ZC3H7A: variants seen among roughly 807,000 people sequenced by gnomAD.
The protein encoded by ZC3H7A is zinc finger CCCH domain-containing protein 7A.
Under a neutral mutation model 125.5 loss-of-function variants are expected in ZC3H7A, and 44 were observed. That is an observed-to-expected ratio of 0.35 (90% CI 0.28 to 0.45). The LOEUF (loss-of-function observed/expected upper bound fraction) is 0.45, where lower values mean the gene tolerates loss of function less well. ZC3H7A is among the 20% of genes least tolerant of loss of function. The pLI is 1.00. For missense variants in ZC3H7A, 977 were observed against 1,170.7 expected (o/e 0.83, Z 2.41); for synonymous variants, 399 against 391.2 (o/e 1.02, Z -0.23).
chr16:11,764,977 A>T, intron 15 of ZC3H7A, 76 bp downstream of exon 15: 1 of 994,518 alleles, frequency 1.0e-6, no homozygotes, highest in Non-Finnish European at 1.5e-6. Flanking sequence ...CTGGACAGAC[A>T]TTACTACTAG....
At chr16:11,792,949 G>C (rs984591315) in intron 1 of ZC3H7A, among the ~76,000 whole-genome samples, 1 of 152,158 alleles carries the variant, frequency 6.6e-6, no homozygotes, top group Non-Finnish European at 1.5e-5. Context: ...GTGTGCACTT[G>C]TGTACACAAA....
Position 11,774,508 on chromosome 16 carries a change from G to C in ZC3H7A, c.631C>G (p.Pro211Ala). ...ACAACAGGAACTGCTTCTTGCCTTG[G>C]AGTTAATAAATCTGTAACACAGATG... Reference protein sequence around the residue: ...VEDIEPDLLTPRQEAVPVVSL... With the variant: ...VEDIEPDLLTARQEAVPVVSL... Residue 211 changes from proline to alanine, a missense_variant, in exon 9 of 23, where the codon CCA (proline) becomes GCA (alanine). Coordinates refer to ENST00000355758, the MANE Select transcript of ZC3H7A (RefSeq NM_014153.4). The C allele has an allele frequency of 6.5e-7, 1 of 1,538,422 alleles. No homozygotes were observed. The highest frequency in any genetic ancestry group is 8.8e-7 in the Non-Finnish European group (1 of 1,141,774).
At chr16:11,786,866 T>A (rs2053264360) in intron 1 of ZC3H7A, among the ~76,000 whole-genome samples, 1 of 152,218 alleles carries the variant, frequency 6.6e-6, no homozygotes, top group South Asian at 2.1e-4. Flanking sequence ...CATCCTTCTG[T>A]TCATTCATCA....
At chr16:11,767,809 C>T (rs2052887659) in intron 12 of ZC3H7A, among the ~76,000 whole-genome samples, 1 of 152,064 alleles carries the variant, frequency 6.6e-6, no homozygotes, top group Non-Finnish European at 1.5e-5. Flanking sequence ...AAAAAAAATA[C>T]CCTTACTTAA....
At chr16:11,761,718 GA>G (rs1350274501) in intron 18 of ZC3H7A, 191 bp downstream of exon 18, 4 of 883,100 alleles carry the variant, frequency 4.5e-6, no homozygotes, top group African/African-American at 1.7e-5. Flanking sequence ...TAAAATACAG[GA>G]AAAAAACACT....
chr16:11,782,148 A>G lies in ZC3H7A; in HGVS notation c.68+139T>C, dbSNP rs1033592552. 1.4e-5 allele frequency: 13 copies of G among 903,550 alleles called. No homozygotes were observed. In the African/African-American group the frequency reaches 2.0e-4, roughly 14 times the overall value. 56.0% of individuals were successfully genotyped at this position (903,550 alleles called of 1,614,324 possible). A position where few individuals can be genotyped will look rare whatever the true frequency, so the allele number is the denominator to read the frequency against. The stretch of plus-strand genomic sequence containing the variant: ...GTTCAAATGGACAAAAGAAAAAAAT[A>G]TTGCTAGAATATGGAGTTTCTAACC... On this transcript the variant is annotated intron_variant, in intron 2 of 22. Transcript: ENST00000355758.
intron 20 of ZC3H7A, among the ~76,000 whole-genome samples, chr16:11,757,524 T>C (rs952673301): frequency 5.3e-5 from 8 of 150,640 alleles, no homozygotes; most frequent in African/African-American, 2.0e-4. Flanking sequence ...TTGTTCCCAG[T>C]TGAGAACCAC....
Position 11,774,316 on chromosome 16 carries a change from G to C in ZC3H7A, c.823C>G (p.Leu275Val), listed in dbSNP as rs756873353. 1.2e-5 allele frequency: 20 copies of C among 1,613,844 alleles called. No individual in the cohort carries two copies. In the South Asian group the frequency reaches 2.1e-4, roughly 17 times the overall value. The stretch of plus-strand genomic sequence containing the variant: ...CCAAGGACCATATCTCCATCATCTA[G>C]AAAAGCTTCTGGCATAGTGAAGGGC... ...KMPFTMPEAF[L>V]DDGDMVLGDE... The change falls in exon 9 of 23, where the codon CTA becomes GTA. Residue 275 changes from leucine to valine, a missense_variant. Physicochemically the swap from Leu to Val is conservative, Grantham distance 32 (BLOSUM62 1). This residue lies in a region of ZC3H7A where 342 missense variants were observed against 311.3 expected (regional missense o/e 1.10). Coordinates refer to ENST00000355758, the MANE Select transcript of ZC3H7A (RefSeq NM_014153.4).
At chr16:11,773,271 C>T (rs949325067) in intron 9 of ZC3H7A, among the ~76,000 whole-genome samples, 1 of 151,884 alleles carries the variant, frequency 6.6e-6, no homozygotes, top group African/African-American at 2.4e-5. Context: ...CCTCAACCTC[C>T]TGGGCGCAAG....
chr16:11,759,341 G>C (rs2052703404), intron 19 of ZC3H7A: 2 of 152,140 alleles, frequency 1.3e-5, no homozygotes, highest in South Asian at 2.1e-4. Flanking sequence ...ACGGCAGCTG[G>C]CCCTACATTA....
intron 1 of ZC3H7A, 165 bp from the exon 2 acceptor site, chr16:11,782,553 G>T: frequency 2.0e-6 from 1 of 496,990 alleles, no homozygotes. Context: ...AGTCATCTTT[G>T]TGGCTCCCCT....
intron 2 of ZC3H7A, 146 bp from the exon 3 acceptor site, chr16:11,781,610 A>G: frequency 1.7e-6 from 1 of 593,016 alleles, no homozygotes; most frequent in Non-Finnish European, 3.0e-6. Flanking sequence ...TACTACCATT[A>G]TTCACAGATG....
chr16:11,767,471 T>A lies in ZC3H7A; in HGVS notation c.1468A>T (p.Ile490Leu). 1 of 1,605,964 alleles carries A rather than the reference T, an allele frequency of 6.2e-7. No homozygotes were observed. The highest frequency in any genetic ancestry group is 1.1e-5 in the South Asian group (1 of 90,454). ...TTTGTTTTTGTTGGTCTTGGACGTA[T>A]TTTTTTCCATGATTTATCTTCAACA... ...KNVEDKSWKK[I>L]RPRPTKTNYE... The change falls in exon 13 of 23, where the codon ATA (isoleucine) becomes TTA (leucine). Residue 490 changes from isoleucine to leucine, a missense_variant. Physicochemically the swap from Ile to Leu is conservative, Grantham distance 5. This residue lies in a region of ZC3H7A where 436 missense variants were observed against 603.2 expected (regional missense o/e 0.72). Transcript: ENST00000355758.
intron 2 of ZC3H7A, 59 bp from the exon 3 acceptor site, chr16:11,781,523 C>T (rs1014471961): frequency 1.3e-6 from 2 of 1,568,408 alleles, no homozygotes; most frequent in African/African-American, 1.3e-5. Context: ...ACCTGTTCAG[C>T]CAGAAGTCAT....
intron 1 of ZC3H7A, among the ~76,000 whole-genome samples, chr16:11,787,933 C>G (rs1231953234): frequency 6.7e-6 from 1 of 149,844 alleles, no homozygotes; most frequent in Non-Finnish European, 1.5e-5. Context: ...GGGACAAGAG[C>G]AAGACTTCGT....
intron 13 of ZC3H7A, among the ~76,000 whole-genome samples, chr16:11,766,099 A>G (rs2052853030): frequency 8.8e-6 from 1 of 113,972 alleles, no homozygotes; most frequent in African/African-American, 3.1e-5. Flanking sequence ...ACCTCAGCTG[A>G]AAAAAAAAAA....
chr16:11,765,424 C>T lies in ZC3H7A; in HGVS notation c.1719+65G>A. The T allele has an allele frequency of 8.2e-7, 1 of 1,218,958 alleles. No homozygotes were observed. Among genetic ancestry groups the T allele is most frequent in the Non-Finnish European group, 1.1e-6 (1 of 871,238 alleles). 75.5% of individuals were successfully genotyped at this position (1,218,958 alleles called of 1,614,324 possible). On this transcript the variant is annotated intron_variant, in intron 14 of 22. Coordinates refer to ENST00000355758, the MANE Select transcript of ZC3H7A (RefSeq NM_014153.4). This position sits in a 1 kb window ranked among gnomAD's most constrained non-coding sequence, Gnocchi z 4.8. ...ACCAAGTGAATGTTTTATCACATGG[C>T]AGGACAATACCACTGGGCTTGCAAA...
chr16:11,777,791 G>A (rs146181161), intron 4 of ZC3H7A, among the ~76,000 whole-genome samples: 12 of 151,842 alleles, frequency 7.9e-5, no homozygotes, highest in East Asian at 1.9e-4. Flanking sequence ...AGGCTGAGGC[G>A]GGCAGATCAC....
chr16:11,774,061 T>G (rs2053036521), intron 9 of ZC3H7A, among the ~76,000 whole-genome samples, 175 bp downstream of exon 9: 1 of 152,030 alleles, frequency 6.6e-6, no homozygotes, highest in South Asian at 2.1e-4. Flanking sequence ...TTTTTTTATT[T>G]CAAAATGATC....
Sources: gnomAD v4.1 joint callset for allele counts (sites outside exome capture counted in the v4.1 genomes callset) on GRCh38, gnomAD v4.1.1 for gene constraint, gnomAD v4.1.1 regional missense constraint, Gnocchi (gnomAD v3.1) non-coding constraint, MANE v1.5 for transcripts, NCBI Gene and HGNC (gene_info 2026-07-23, HGNC 2026-07-21) for gene names.